RXFP1: variants seen among roughly 807,000 people sequenced by gnomAD.
RXFP1 encodes relaxin family peptide receptor 1.
A neutral mutation model predicts 89.8 loss-of-function variants in RXFP1; 73 were observed. That is an observed-to-expected ratio of 0.81 (90% CI 0.67 to 0.99). RXFP1 has a LOEUF of 0.99. Ranked by LOEUF, RXFP1 falls within the 50% of genes least tolerant of loss-of-function variation. The pLI is 0.00. For synonymous variants in RXFP1, 277 were observed against 305.5 expected (o/e 0.91, Z 0.97); for missense variants, 793 against 895.5 (o/e 0.89, Z 1.46).
intron 1 of RXFP1, among the ~76,000 whole-genome samples, chr4:158,570,837 C>T (rs566385598): frequency 3.9e-5 from 6 of 152,138 alleles, no homozygotes; most frequent in Non-Finnish European, 4.4e-5. Flanking sequence ...TACTTCTCTA[C>T]CTCATCAACC....
chr4:158,568,137 C>A (rs1754112825), intron 1 of RXFP1, among the ~76,000 whole-genome samples: 1 of 152,130 alleles, frequency 6.6e-6, no homozygotes, highest in African/African-American at 2.4e-5. Context: ...CCAGTGAGAC[C>A]ACGAACCCAC....
intron 10 of RXFP1, 76 bp from the exon 11 acceptor site, chr4:158,628,562 G>A: frequency 1.6e-6 from 1 of 633,920 alleles, no homozygotes; most frequent in East Asian, 2.9e-5. Flanking sequence ...CTTTGTTTCT[G>A]CATACCGTTC....
intron 1 of RXFP1, among the ~76,000 whole-genome samples, chr4:158,549,142 GTTCGT>G (rs1345353726): frequency 6.6e-6 from 1 of 151,748 alleles, no homozygotes; most frequent in Non-Finnish European, 1.5e-5. Context: ...TGGAGGCTTT[GTTCGT>G]TTCTTTTTAT....
intron 3 of RXFP1, 149 bp from the exon 4 acceptor site, chr4:158,599,172 CTTAAT>C (rs552141151): frequency 3.1e-4 from 384 of 1,225,494 alleles, no homozygotes; most frequent in Non-Finnish European, 4.1e-4. Flanking sequence ...ACTTTGGAGC[CTTAAT>C]TTAAAGCATT....
intron 1 of RXFP1, among the ~76,000 whole-genome samples, chr4:158,545,629 G>C (rs888052111): frequency 1.3e-5 from 2 of 152,016 alleles, no homozygotes; most frequent in African/African-American, 4.8e-5. Context: ...TTTTTGTATA[G>C]GGTGTAAGGA....
intron 13 of RXFP1, 46 bp downstream of exon 13, chr4:158,638,125 TA>T: frequency 9.3e-7 from 1 of 1,073,936 alleles, no homozygotes. Context: ...AATTGTTTTT[TA>T]AATACTAACA....
Position 158,522,040 on chromosome 4 carries a change from T to TA in RXFP1, c.49+16dup. Reference sequence around the variant, plus strand: ...TGGAAAATATTGTAAGTATGCTCAGTATCTAATTTTGTATACCTTAGTATT... The same window carrying TA: ...TGGAAAATATTGTAAGTATGCTCAGTAATCTAATTTTGTATACCTTAGTATT... On this transcript the variant is annotated intron_variant, in intron 1 of 17. Transcript: ENST00000307765. 6.7e-7 allele frequency: 1 copy of TA among 1,494,328 alleles called. No individual in the cohort carries two copies. 92.6% of individuals were successfully genotyped at this position (1,494,328 alleles called of 1,614,324 possible).
intron 1 of RXFP1, among the ~76,000 whole-genome samples, chr4:158,565,465 A>G (rs1013727713): frequency 6.6e-6 from 1 of 152,178 alleles, no homozygotes; most frequent in African/African-American, 2.4e-5. Context: ...TGGCTTCTAA[A>G]TACCATTCTA....
At chr4:158,606,942 T>C (rs1454410692) in intron 5 of RXFP1, 5 of 792,102 alleles carry the variant, frequency 6.3e-6, no homozygotes, top group African/African-American at 1.7e-5. Context: ...GTTGGAGAAA[T>C]AGGGTACTTT....
At chr4:158,558,425 T>C (rs1222659976) in intron 1 of RXFP1, among the ~76,000 whole-genome samples, 6 of 152,208 alleles carry the variant, frequency 3.9e-5, no homozygotes, top group Non-Finnish European at 8.8e-5. Context: ...GAGTAGCCTA[T>C]TGGAATTGAG....
intron 1 of RXFP1, among the ~76,000 whole-genome samples, chr4:158,525,319 T>C (rs1195445472): frequency 6.6e-6 from 1 of 152,080 alleles, no homozygotes; most frequent in African/African-American, 2.4e-5. Flanking sequence ...TCAGGACTTT[T>C]AGGGTAACAT....
intron 9 of RXFP1, among the ~76,000 whole-genome samples, chr4:158,620,993 C>G (rs1297539252): frequency 1.3e-5 from 2 of 151,922 alleles, no homozygotes; most frequent in African/African-American, 4.8e-5. Flanking sequence ...GAGCGTTTAG[C>G]TGGGCGTGGT....
intron 8 of RXFP1, among the ~76,000 whole-genome samples, chr4:158,613,512 A>G (rs923005375): frequency 1.3e-5 from 2 of 152,224 alleles, no homozygotes; most frequent in African/African-American, 4.8e-5. Flanking sequence ...CTTTACCAGG[A>G]GTAGATTCCA....
chr4:158,606,855 T>G (rs953411789), intron 5 of RXFP1, among the ~76,000 whole-genome samples: 3 of 152,040 alleles, frequency 2.0e-5, no homozygotes, highest in Non-Finnish European at 4.4e-5. Context: ...TCTGCAATTA[T>G]GGGCATAACC....
intron 4 of RXFP1, among the ~76,000 whole-genome samples, chr4:158,604,534 T>A (rs1762234622): frequency 6.6e-6 from 1 of 152,222 alleles, no homozygotes; most frequent in Admixed American, 6.5e-5. Context: ...TAAATTGTGA[T>A]ACAAAAGAAA....
At chr4:158,568,454 A>AG (rs1371777005) in intron 1 of RXFP1, among the ~76,000 whole-genome samples, 2 of 152,260 alleles carry the variant, frequency 1.3e-5, no homozygotes, top group African/African-American at 4.8e-5. Context: ...CTGTAGCTGG[A>AG]GGCTAATTCA....
At chr4:158,628,243 A>G (rs533873613) in intron 10 of RXFP1, among the ~76,000 whole-genome samples, 2 of 152,272 alleles carry the variant, frequency 1.3e-5, no homozygotes, top group South Asian at 4.1e-4. Context: ...AATCACATCA[A>G]GTAACAAATG....
chr4:158,593,313 A>G (rs1759897678), intron 2 of RXFP1, 88 bp from the exon 3 acceptor site: 3 of 655,020 alleles, frequency 4.6e-6, no homozygotes, highest in Non-Finnish European at 7.7e-6. Flanking sequence ...AAACCACTGG[A>G]CTGTTTTAAA....
At chr4:158,523,371 G>T (rs566688680) in intron 1 of RXFP1, among the ~76,000 whole-genome samples, 1 of 152,098 alleles carries the variant, frequency 6.6e-6, no homozygotes, top group African/African-American at 2.4e-5. Flanking sequence ...GTATATAAAA[G>T]GTGTTTAGGG....
Sources: gnomAD v4.1 joint callset for allele counts (sites outside exome capture counted in the v4.1 genomes callset) on GRCh38, gnomAD v4.1.1 for gene constraint, MANE v1.5 for transcripts, NCBI Gene and HGNC (gene_info 2026-07-23, HGNC 2026-07-21) for gene names.